The following PCDH15 variants were observed in gnomAD, a reference collection of about 807,000 sequenced individuals.
The protein encoded by PCDH15 is protocadherin related 15.
Under a neutral mutation model 178.5 loss-of-function variants are expected in PCDH15, and 129 were observed. The ratio of observed to expected loss-of-function variants is 0.72; its 90% CI spans 0.63 to 0.84. The LOEUF is 0.84. PCDH15 is among the 40% of genes least tolerant of loss of function. The pLI is 0.00. For missense variants in PCDH15, 2,230 were observed against 2,099.9 expected, an observed-to-expected ratio of 1.06 and a Z score of -1.21; for synonymous variants, 800 against 732.0, an observed-to-expected ratio of 1.09 and a Z score of -1.50.
intron 2 of PCDH15, among the ~76,000 whole-genome samples, chr10:55,110,036 A>G (rs978897393): frequency 6.6e-6 from 1 of 151,540 alleles, no homozygotes; most frequent in Non-Finnish European, 1.5e-5. Context: ...TTGTTGTATT[A>G]ATTGTAGTTA....
chr10:54,456,007 T>C (rs762134948), intron 3 of PCDH15, among the ~76,000 whole-genome samples: 11 of 152,078 alleles, frequency 7.2e-5, no homozygotes, highest in Non-Finnish European at 1.2e-4. Context: ...TTTCAGAGGA[T>C]GTATGGAAAT....
chr10:54,252,490 T>C (rs1213244112), intron 8 of PCDH15, among the ~76,000 whole-genome samples: 4 of 152,164 alleles, frequency 2.6e-5, no homozygotes, highest in Non-Finnish European at 4.4e-5. Context: ...ACTATTCCCA[T>C]TAAAATATGC....
At chr10:53,863,836 C>A (rs1324705051) in intron 27 of PCDH15, among the ~76,000 whole-genome samples, 1 of 152,118 alleles carries the variant, frequency 6.6e-6, no homozygotes, top group African/African-American at 2.4e-5. Context: ...TAGATAAAAA[C>A]AGAATTCATC....
intron 35 of PCDH15, among the ~76,000 whole-genome samples, chr10:53,813,526 G>A (rs894284925): frequency 6.6e-6 from 1 of 151,998 alleles, no homozygotes; most frequent in African/African-American, 2.4e-5. Flanking sequence ...ATTATTACTT[G>A]GTAAAACTTT....
At chr10:54,296,580 A>T (rs1440061116) in intron 8 of PCDH15, among the ~76,000 whole-genome samples, 1 of 152,104 alleles carries the variant, frequency 6.6e-6, no homozygotes, top group Non-Finnish European at 1.5e-5. Context: ...GATTTCTAGC[A>T]TAAACTTTAG....
intron 3 of PCDH15, among the ~76,000 whole-genome samples, chr10:54,478,031 A>T (rs1433642517): frequency 6.6e-6 from 1 of 152,126 alleles, no homozygotes; most frequent in Non-Finnish European, 1.5e-5. Flanking sequence ...ATTTATTGTC[A>T]TGTGAGATTT....
chr10:53,969,793 C>G (rs1053959365), intron 21 of PCDH15, among the ~76,000 whole-genome samples: 1 of 152,110 alleles, frequency 6.6e-6, no homozygotes, highest in Non-Finnish European at 1.5e-5. Context: ...AAATCCTTTA[C>G]AGACAAACAA....
chr10:54,232,288 C>T (rs745679533), intron 9 of PCDH15, among the ~76,000 whole-genome samples: 16 of 152,144 alleles, frequency 1.1e-4, no homozygotes, highest in South Asian at 4.1e-4. Flanking sequence ...GCTCTGGCCA[C>T]GTAAGATGCG....
At chr10:55,098,189 A>G (rs1293421694) in intron 2 of PCDH15, among the ~76,000 whole-genome samples, 1 of 152,178 alleles carries the variant, frequency 6.6e-6, no homozygotes, top group Non-Finnish European at 1.5e-5. Context: ...AAACCTTCTA[A>G]GGAATACTGT....
intron 4 of PCDH15, among the ~76,000 whole-genome samples, chr10:54,370,294 C>T (rs1947461206): frequency 6.6e-6 from 1 of 151,878 alleles, no homozygotes; most frequent in Non-Finnish European, 1.5e-5. Flanking sequence ...CCTATCCTGA[C>T]CCCTCCATCT....
At chr10:54,515,362 G>T (rs190520576) in intron 3 of PCDH15, among the ~76,000 whole-genome samples, 219 of 152,332 alleles carry the variant, frequency 1.4e-3, no homozygotes, top group African/African-American at 4.4e-3. Context: ...TATGCCCATG[G>T]AGTCTCGCTG....
At chr10:55,019,420 T>A (rs376980383) in intron 2 of PCDH15, among the ~76,000 whole-genome samples, 1 of 152,210 alleles carries the variant, frequency 6.6e-6, no homozygotes, top group Non-Finnish European at 1.5e-5. Flanking sequence ...GCATTTTACA[T>A]GACTTTCAAA....
intron 2 of PCDH15, among the ~76,000 whole-genome samples, chr10:54,906,441 A>C (rs1954723009): frequency 1.3e-5 from 2 of 152,176 alleles, no homozygotes; most frequent in Admixed American, 1.3e-4. Context: ...AATAAAAAAT[A>C]AATTCCAAAA....
intron 3 of PCDH15, among the ~76,000 whole-genome samples, chr10:54,823,220 C>CAT (rs1953076142): frequency 6.8e-6 from 1 of 147,386 alleles, no homozygotes; most frequent in African/African-American, 2.5e-5. Flanking sequence ...CACACACACA[C>CAT]ACACACGCAC....
rs567781219 is a variant in PCDH15 at position 55,528,974 on chromosome 10, C to T, written c.-156+98651G>A. 3.3e-5 allele frequency among the ~76,000 whole-genome samples: 5 copies of T among 152,196 alleles called. No individual in the cohort carries two copies. In the South Asian group the frequency reaches 1.0e-3, roughly 32 times the overall value. On this transcript the variant is annotated intron_variant, in intron 2 of 5. Transcript: ENST00000613346. Reference sequence around the variant, plus strand: ...GTTTTTATTTGCATTTCTCTGATGGCTAGTGATGATGAGCATTTTTTCATG... The same window carrying T: ...GTTTTTATTTGCATTTCTCTGATGGTTAGTGATGATGAGCATTTTTTCATG...
At chr10:54,477,927 G>A (rs1437722933) in intron 3 of PCDH15, among the ~76,000 whole-genome samples, 2 of 152,022 alleles carry the variant, frequency 1.3e-5, no homozygotes, top group Non-Finnish European at 2.9e-5. Context: ...TACTTACTTG[G>A]CAGAGACCAC....
chr10:54,743,648 G>A lies in PCDH15; in HGVS notation c.-29+57277C>T, dbSNP rs564356970. ...ATTACCACCACTTGAAAGAAAAAAA[G>A]AGAGCCAGAGATGAATATATAGTTT... On this transcript the variant is annotated intron_variant, in intron 1 of 37. Coordinates refer to ENST00000644397, the MANE Select transcript of PCDH15 (RefSeq NM_001384140.1). 6.2e-4 allele frequency among the ~76,000 whole-genome samples: 94 copies of A among 152,086 alleles called. 1 individual carries two copies. Among genetic ancestry groups the A allele is most frequent in the Admixed American group, 2.8e-3 (42 of 15,250 alleles).
intron 28 of PCDH15, among the ~76,000 whole-genome samples, chr10:53,849,919 C>A (rs1177998783): frequency 1.4e-5 from 2 of 144,376 alleles, no homozygotes; most frequent in African/African-American, 5.1e-5. Context: ...TTGGAAAATC[C>A]AAGTCATACA....
At chr10:55,182,249 C>G (rs1283621752) in intron 1 of PCDH15, among the ~76,000 whole-genome samples, 2 of 151,866 alleles carry the variant, frequency 1.3e-5, no homozygotes, top group Non-Finnish European at 2.9e-5. Flanking sequence ...ACACCAGTAA[C>G]AAGTGAATAA....
Sources: gnomAD v4.1 joint callset for allele counts (sites outside exome capture counted in the v4.1 genomes callset) on GRCh38, gnomAD v4.1.1 for gene constraint, MANE v1.5 for transcripts, NCBI Gene and HGNC (gene_info 2026-07-23, HGNC 2026-07-21) for gene names.